Variants in AGPS observed in about 807,000 individuals in gnomAD.
AGPS encodes alkyldihydroxyacetonephosphate synthase, peroxisomal.
A neutral mutation model predicts 90.7 loss-of-function variants in AGPS; 26 were observed. The observed-to-expected ratio is 0.29, with a 90% CI of 0.21 to 0.40. The LOEUF (loss-of-function observed/expected upper bound fraction) is 0.40. Among genes scored for constraint, AGPS ranks in the 10% least tolerant of loss-of-function variants. The probability of loss-of-function intolerance (pLI) is 1.00; values close to 1 mark genes in which losing one functional copy is unlikely to be tolerated. For synonymous variants in AGPS, 294 were observed against 285.3 expected (o/e 1.03, Z -0.31); for missense variants, 540 against 816.1 (o/e 0.66, Z 4.12).
chr2:177,494,660 A>G (rs1040509720), intron 12 of AGPS, among the ~76,000 whole-genome samples: 3 of 152,152 alleles, frequency 2.0e-5, no homozygotes, highest in Non-Finnish European at 2.9e-5. Flanking sequence ...TCTCATTACT[A>G]TACCTGAAAA....
chr2:177,399,939 C>T (rs891011464), intron 1 of AGPS, among the ~76,000 whole-genome samples: 44 of 152,038 alleles, frequency 2.9e-4, no homozygotes, highest in African/African-American at 1.0e-3. Context: ...TTTGTTTATC[C>T]TCATCGATGA....
intron 11 of AGPS, 80 bp from the exon 12 acceptor site, chr2:177,493,068 A>G: frequency 7.8e-7 from 1 of 1,287,326 alleles, no homozygotes; most frequent in East Asian, 2.4e-5. Context: ...TTAAATATAG[A>G]AAGATAATAT....
At chr2:177,463,949 G>A (rs922358873) in intron 9 of AGPS, among the ~76,000 whole-genome samples, 2 of 151,724 alleles carry the variant, frequency 1.3e-5, no homozygotes, top group Non-Finnish European at 2.9e-5. Flanking sequence ...ATTTTATTTT[G>A]TTTGTTTTTG....
intron 15 of AGPS, among the ~76,000 whole-genome samples, chr2:177,506,463 A>AAT (rs1359274941): frequency 1.3e-5 from 2 of 152,036 alleles, no homozygotes; most frequent in East Asian, 3.9e-4. Context: ...ATCACCTCCA[A>AAT]ATACTAAATT....
chr2:177,468,364 A>G, intron 9 of AGPS, 52 bp from the exon 10 acceptor site: 1 of 1,071,662 alleles, frequency 9.3e-7, no homozygotes, highest in Non-Finnish European at 1.4e-6. Context: ...GTACATAGAC[A>G]CACATTCACT....
chr2:177,522,542 C>T (rs1454751458), intron 18 of AGPS, among the ~76,000 whole-genome samples: 3 of 151,992 alleles, frequency 2.0e-5, no homozygotes, highest in African/African-American at 4.8e-5. Context: ...CTCTGCCTCC[C>T]GGGTTCAAGC....
Position 177,392,879 on chromosome 2 carries a change from C to G in AGPS, c.90C>G (p.Asp30Glu). ...CAGCGGACCGGGACCGGGACCCGGA[C>G]CCGGACCGCGCCGGGCGGAGGCTGC... Reference protein sequence around the residue: ...GSAADRDRDPDPDRAGRRLRV... With the variant: ...GSAADRDRDPEPDRAGRRLRV... The change falls in exon 1 of 20, where the codon GAC (aspartate) becomes GAG (glutamate). Residue 30 changes from aspartate (D) to glutamate (E), a missense_variant. Asp to Glu is a conservative substitution (Grantham distance 45, BLOSUM62 2). Coordinates refer to ENST00000264167, the MANE Select transcript of AGPS (RefSeq NM_003659.4). The G allele has an allele frequency of 6.4e-7, 1 of 1,551,682 alleles. No individual in the cohort carries two copies. The highest frequency in any genetic ancestry group is 8.7e-7 in the Non-Finnish European group (1 of 1,149,412).
chr2:177,506,537 A>G (rs1418185243), intron 15 of AGPS, among the ~76,000 whole-genome samples: 1 of 151,910 alleles, frequency 6.6e-6, no homozygotes, highest in Non-Finnish European at 1.5e-5. Flanking sequence ...CTTATGTACA[A>G]CATGTTTTTC....
chr2:177,508,071 G>GAT (rs759633139), intron 16 of AGPS, 40 bp downstream of exon 16: 2 of 1,400,052 alleles, frequency 1.4e-6, no homozygotes, highest in African/African-American at 2.8e-5. Flanking sequence ...TCAAATATGC[G>GAT]ATATGAATTG....
intron 7 of AGPS, among the ~76,000 whole-genome samples, chr2:177,445,209 G>T (rs1686731315): frequency 6.6e-6 from 1 of 152,110 alleles, no homozygotes; most frequent in Non-Finnish European, 1.5e-5. Flanking sequence ...AACACTTTAT[G>T]TATTATTACT....
chr2:177,446,979 A>G (rs1210177093), intron 8 of AGPS, among the ~76,000 whole-genome samples: 1 of 152,210 alleles, frequency 6.6e-6, no homozygotes, highest in African/African-American at 2.4e-5. Context: ...CTAAGCAGGT[A>G]ATAGTGAAAA....
chr2:177,536,700 GT>G (rs543799169), intron 19 of AGPS, among the ~76,000 whole-genome samples: 4 of 151,686 alleles, frequency 2.6e-5, no homozygotes, highest in African/African-American at 7.3e-5. Flanking sequence ...TGAATTTAAG[GT>G]TTTTTTTCTG....
At chr2:177,528,966 C>G (rs2079113820) in intron 19 of AGPS, among the ~76,000 whole-genome samples, 1 of 148,260 alleles carries the variant, frequency 6.7e-6, no homozygotes, top group African/African-American at 2.5e-5. Context: ...AGCTATTCTC[C>G]TGCCTCAGCC....
intron 11 of AGPS, among the ~76,000 whole-genome samples, chr2:177,485,154 G>C (rs999198199): frequency 6.6e-6 from 1 of 152,136 alleles, no homozygotes; most frequent in South Asian, 2.1e-4. Flanking sequence ...CAGAGAGGTC[G>C]TGTTCAGTCT....
At chr2:177,412,670 C>T (rs1025865734) in intron 1 of AGPS, among the ~76,000 whole-genome samples, 1 of 152,118 alleles carries the variant, frequency 6.6e-6, no homozygotes, top group Admixed American at 6.5e-5. Flanking sequence ...TGTCCTTGCT[C>T]CTAGAGCTCC....
At position 177,507,995 on chromosome 2, in the gene AGPS, TAGG is replaced by T; in HGVS notation, c.1574_1576del (p.Gly525del). 1 of 1,613,180 alleles carries T rather than the reference TAGG, an allele frequency of 6.2e-7. No homozygotes were observed. The highest frequency in any genetic ancestry group is 8.5e-7 in the Non-Finnish European group (1 of 1,179,198). On this transcript the variant is annotated inframe_deletion, in exon 16 of 20. Transcript: ENST00000264167. ...GACTTGGCTTTGGAATACTATGTAT[TAGG>T]AGAATCTTTTGAGACTTCTGCTCCT...
chr2:177,420,210 C>A, intron 1 of AGPS, 59 bp from the exon 2 acceptor site: 1 of 1,053,080 alleles, frequency 9.5e-7, no homozygotes, highest in Non-Finnish European at 1.5e-6. Flanking sequence ...CAATGATATA[C>A]TGTACAGTTT....
At chr2:177,470,803 A>C (rs1238902705) in intron 10 of AGPS, among the ~76,000 whole-genome samples, 2 of 152,134 alleles carry the variant, frequency 1.3e-5, no homozygotes, top group African/African-American at 4.8e-5. Flanking sequence ...AAGTACATGC[A>C]ACATAGCATA....
At chr2:177,473,296 C>G (rs1023848796) in intron 10 of AGPS, among the ~76,000 whole-genome samples, 1 of 152,080 alleles carries the variant, frequency 6.6e-6, no homozygotes, top group East Asian at 1.9e-4. Context: ...TAATCAAATG[C>G]CTGCTGTGCT....
Sources: gnomAD v4.1 joint callset for allele counts (sites outside exome capture counted in the v4.1 genomes callset) on GRCh38, gnomAD v4.1.1 for gene constraint, MANE v1.5 for transcripts, NCBI Gene and HGNC (gene_info 2026-07-23, HGNC 2026-07-21) for gene names.